KIF27: variants seen among roughly 807,000 people sequenced by gnomAD.
KIF27 encodes the protein kinesin family member 27.
KIF27 carries 84 observed loss-of-function variants against 141.8 expected under a neutral mutation model. The observed-to-expected ratio is 0.59, with a 90% CI of 0.50 to 0.71. The LOEUF is 0.71. Ranked by LOEUF, KIF27 falls within the 30% of genes least tolerant of loss-of-function variation. KIF27 has a pLI of 0.00. For missense variants in KIF27, 1,306 were observed against 1,628.4 expected (o/e 0.80, Z 3.41); for synonymous variants, 471 against 569.5 (o/e 0.83, Z 2.46).
intron 16 of KIF27, among the ~76,000 whole-genome samples, chr9:83,845,952 T>G (rs1375420774): frequency 6.6e-6 from 1 of 152,120 alleles, no homozygotes; most frequent in Non-Finnish European, 1.5e-5. Flanking sequence ...AATAATCAAG[T>G]GGATATGATA....
chr9:83,837,614 A>C (rs1564256955), intron 17 of KIF27, 129 bp from the exon 18 acceptor site: 6 of 839,714 alleles, frequency 7.1e-6, no homozygotes. Flanking sequence ...TTTTTTGTTA[A>C]ATGACTTATT....
rs369129435 is a variant in KIF27, at chr9:83,908,477, G to T, written c.474C>A (p.Ile158=). Residue 158 remains isoleucine (I), a synonymous_variant, in exon 3 of 18, where the codon ATC becomes ATA. Transcript: ENST00000297814. ...CTGTGTTTCCTTTTTCATCTTCTCGGATGTGAAGATCCTTCATGGATGTCT... is the reference window on the plus strand; with the variant it reads ...CTGTGTTTCCTTTTTCATCTTCTCGTATGTGAAGATCCTTCATGGATGTCT... ...ELETSMKDLH[I]REDEKGNTVI... 4 of 1,609,514 alleles carry T rather than the reference G, an allele frequency of 2.5e-6. No individual in the cohort carries two copies. The highest frequency in any genetic ancestry group is 2.7e-5 in the African/African-American group (2 of 74,744).
intron 14 of KIF27, among the ~76,000 whole-genome samples, chr9:83,854,207 A>G (rs771163566): frequency 7.9e-5 from 12 of 152,248 alleles, no homozygotes; most frequent in Non-Finnish European, 1.2e-4. Context: ...CAGGATTAGC[A>G]GTATTGTCAT....
In KIF27 at chr9:83,889,305, C is replaced by T. The variant is rs141043863; in HGVS notation, c.1810-52G>A. Reference sequence around the variant, plus strand: ...ACAAAAAAAGTGATATTTTAAAAGTCTAATTTTATCCTATTACTCTAAGTG... The same window carrying T: ...ACAAAAAAAGTGATATTTTAAAAGTTTAATTTTATCCTATTACTCTAAGTG... On this transcript the variant is annotated intron_variant, in intron 6 of 17. Coordinates refer to ENST00000297814, the MANE Select transcript of KIF27 (RefSeq NM_017576.4). 7.2e-4 allele frequency: 1,098 copies of T among 1,515,414 alleles called. 9 individuals carry two copies. In the African/African-American group the frequency reaches 0.013, roughly 17 times the overall value. The allele number at this position is 1,515,414 out of a possible 1,614,324, so 93.9% of individuals were successfully genotyped here.
intron 2 of KIF27, among the ~76,000 whole-genome samples, chr9:83,909,599 G>C (rs1207392977): frequency 1.4e-5 from 2 of 146,434 alleles, no homozygotes; most frequent in East Asian, 4.0e-4. Context: ...GAGCGACAGA[G>C]GGAAACTGTC....
Position 83,859,291 on chromosome 9 carries a change from G to C in KIF27, c.3015C>G (p.Leu1005=). 6.2e-7 allele frequency: 1 copy of C among 1,613,966 alleles called. No individual in the cohort carries two copies. The highest frequency in any genetic ancestry group is 1.1e-5 in the South Asian group (1 of 91,074). ...TTTTCTCCTCAGCTGTACTGGTCTG[G>C]AGCTGCACATTCTTTTCAGACAACT... ...EQELSEKNVQ[L]QTSTAEEKTK... Residue 1005 remains leucine, a synonymous_variant, in exon 14 of 18, where the codon CTC becomes CTG. Coordinates refer to ENST00000297814, the MANE Select transcript of KIF27 (RefSeq NM_017576.4).
rs1948858263 is a variant in KIF27 at position 83,853,649 on chromosome 9, G to T, written c.3337C>A (p.Leu1113Ile). 1 of 1,613,104 alleles carries T rather than the reference G, an allele frequency of 6.2e-7. No homozygotes were observed. The highest frequency in any genetic ancestry group is 1.3e-5 in the African/African-American group (1 of 74,878). Residue 1113 changes from leucine (L) to isoleucine (I), a missense_variant, in exon 15 of 18, where the codon CTT (leucine) becomes ATT (isoleucine). Coordinates refer to ENST00000297814, the MANE Select transcript of KIF27 (RefSeq NM_017576.4). ...CLSPVEIRTI[L>I]FRYFNKVVNL... ...CAAACCTTATTGAAATATCTGAAAA[G>T]AATAGTTCTAATCTCAACAGGACTC... is the stretch of plus-strand genomic sequence containing the variant.
chr9:83,859,050 G>A, intron 14 of KIF27, 106 bp downstream of exon 14: 1 of 903,322 alleles, frequency 1.1e-6, no homozygotes, highest in Non-Finnish European at 1.8e-6. Flanking sequence ...AAATCTCAAG[G>A]AACCAAGTTT....
At chr9:83,871,088 T>A (rs57531526) in intron 11 of KIF27, among the ~76,000 whole-genome samples, 24,010 of 151,812 alleles carry the variant, frequency 0.16, 2,097 homozygotes, top group African/African-American at 0.23. Flanking sequence ...TTTTTTTTTT[T>A]AATTTTTTGT....
chr9:83,874,474 A>G (rs1951051081), intron 11 of KIF27, among the ~76,000 whole-genome samples: 1 of 152,224 alleles, frequency 6.6e-6, no homozygotes, highest in African/African-American at 2.4e-5. Context: ...CCAAACAGAC[A>G]GCAAATTTTA....
rs1406442511 is a variant in KIF27 at position 83,844,472 on chromosome 9, T to C, written c.3557-2071A>G. Among the ~76,000 whole-genome samples, 8 of 152,186 alleles carry C rather than the reference T, an allele frequency of 5.3e-5. No homozygotes were observed. In the East Asian group the frequency reaches 1.5e-3, roughly 29 times the overall value. On this transcript the variant is annotated intron_variant, in intron 16 of 17. Transcript: ENST00000297814. ...CAGAATATTAAGGATGGAGTTCTTT[T>C]GTTGGTTTTGGGGTTTCTGGAGTTG...
chr9:83,848,568 A>G (rs1443995321), intron 16 of KIF27: 3 of 146,106 alleles, frequency 2.1e-5, no homozygotes, highest in Non-Finnish European at 3.0e-5. Flanking sequence ...CTATATATAG[A>G]TCTATATATA....
At chr9:83,882,668 T>C (rs2132234874) in intron 10 of KIF27, among the ~76,000 whole-genome samples, 1 of 152,250 alleles carries the variant, frequency 6.6e-6, no homozygotes, top group Middle Eastern at 3.4e-3. Context: ...ATCAGATGTT[T>C]CTTTTGAGGT....
Position 83,908,629 on chromosome 9 carries a change from C to T in KIF27, c.322G>A (p.Gly108Ser), listed in dbSNP as rs1320142314. 1.2e-6 allele frequency: 2 copies of T among 1,604,446 alleles called. No individual in the cohort carries two copies. Among genetic ancestry groups the T allele is most frequent in the Non-Finnish European group, 1.7e-6 (2 of 1,175,172 alleles). ...TCTTGAATAGCTCGAGGAATGATACCCTTTTGGCCCTCCACAACTGAAGCT... is the reference window on the plus strand; with the variant it reads ...TCTTGAATAGCTCGAGGAATGATACTCTTTTGGCCCTCCACAACTGAAGCT... Reference protein sequence around the residue: ...HIASVVEGQKGIIPRAIQEIF... With the variant: ...HIASVVEGQKSIIPRAIQEIF... The change falls in exon 3 of 18, where the codon GGT becomes AGT. Residue 108 changes from glycine (G) to serine (S), a missense_variant. This residue lies in a region of KIF27 where 533 missense variants were observed against 565.6 expected (regional missense o/e 0.94). Transcript: ENST00000297814.
Position 83,848,178 on chromosome 9 carries a change from C to CAT in KIF27, c.3556+1919_3556+1920dup, listed in dbSNP as rs1272777184. 4.2e-4 allele frequency among the ~76,000 whole-genome samples: 15 copies of CAT among 35,396 alleles called. 3 individuals are homozygous for CAT. Among genetic ancestry groups the CAT allele is most frequent in the South Asian group, 1.8e-3 (2 of 1,086 alleles). 23.2% of individuals were successfully genotyped at this position (35,396 alleles called of 152,430 possible). ...ATCATATATGATATATCTGATATAT[C>CAT]ATATATGATATATATGATATATCAG... On this transcript the variant is annotated intron_variant, in intron 16 of 17. Transcript: ENST00000297814.
chr9:83,889,483 C>T (rs1380900606), intron 6 of KIF27, among the ~76,000 whole-genome samples: 1 of 152,176 alleles, frequency 6.6e-6, no homozygotes, highest in African/African-American at 2.4e-5. Flanking sequence ...CTCTTCTGGA[C>T]AACTCTTCTA....
Position 83,859,196 on chromosome 9 carries a change from A to G in KIF27, c.3110T>C (p.Val1037Ala). ...TCTACCATTTTTAAGTTTTTCATCC[A>G]CATTGTGTCTGCGTTTCTGGAGCTG... The part of the protein sequence containing the change: ...KDQLQKRRHN[V>A]DEKLKNGRVL... The change falls in exon 14 of 18, where the codon GTG (valine) becomes GCG (alanine). Residue 1037 changes from valine to alanine, a missense_variant. Around this residue, in one of 4 missense-constraint regions of KIF27, gnomAD observed 596 missense variants for 751.6 expected, o/e 0.79. Transcript: ENST00000297814. 6.2e-7 allele frequency: 1 copy of G among 1,613,916 alleles called. No individual in the cohort carries two copies.
chr9:83,870,915 T>A (rs1253934087), intron 11 of KIF27, among the ~76,000 whole-genome samples: 3 of 152,042 alleles, frequency 2.0e-5, no homozygotes, highest in African/African-American at 7.2e-5. Flanking sequence ...TTTTTTTGTT[T>A]AAAAAATTTT....
intron 11 of KIF27, among the ~76,000 whole-genome samples, chr9:83,878,057 G>A (rs1355666526): frequency 1.3e-5 from 2 of 151,006 alleles, no homozygotes; most frequent in African/African-American, 2.4e-5. Context: ...CCAGCTACTC[G>A]GGAGGCTGAG....
Sources: allele counts gnomAD v4.1 joint callset (sites outside exome capture counted in the v4.1 genomes callset), GRCh38; gene constraint gnomAD v4.1.1; regional missense constraint gnomAD v4.1.1; transcripts MANE v1.5; gene names NCBI Gene and HGNC (gene_info 2026-07-23, HGNC 2026-07-21).